The following ADARB1 variants were observed in gnomAD, a reference collection of about 807,000 sequenced individuals.
ADARB1 encodes double-stranded RNA-specific editase 1.
ADARB1 carries 10 observed loss-of-function variants against 52.4 expected under a neutral mutation model. The ratio of observed to expected loss-of-function variants is 0.19; its 90% CI spans 0.12 to 0.32. The LOEUF (loss-of-function observed/expected upper bound fraction) is 0.32. Among genes scored for constraint, ADARB1 ranks in the 10% least tolerant of loss-of-function variants. ADARB1 has a pLI of 1.00. For missense variants in ADARB1, 643 were observed against 922.3 expected (o/e 0.70, Z 3.92); for synonymous variants, 349 against 371.1 (o/e 0.94, Z 0.68).
intron 7 of ADARB1, 96 bp from the exon 8 acceptor site, chr21:45,184,825 CTG>C (rs2092046886): frequency 8.5e-6 from 11 of 1,296,174 alleles, no homozygotes; most frequent in Non-Finnish European, 1.1e-5. Flanking sequence ...TATGCACAGA[CTG>C]TATTTTAAAT....
rs2093037411 is a variant in ADARB1 at position 45,224,904 on chromosome 21, C to G, written c.*2707C>G. 1.0e-6 allele frequency: 1 copy of G among 985,486 alleles called. No individual in the cohort carries two copies. Among genetic ancestry groups the G allele is most frequent in the Admixed American group, 6.2e-5 (1 of 16,258 alleles). The allele number at this position is 985,486 out of a possible 1,614,324, so 61.0% of individuals were successfully genotyped here. On this transcript the variant is annotated 3_prime_UTR_variant, in exon 11 of 11. Transcript: ENST00000348831. ...CTCCCTTCTGAGCGCTCGGTGTGCA[C>G]TTTTAGACTATAGCTGTTTCATTGA...
At chr21:45,168,659 C>T (rs1280426442) in intron 2 of ADARB1, among the ~76,000 whole-genome samples, 8 of 152,146 alleles carry the variant, frequency 5.3e-5, no homozygotes, top group Admixed American at 4.6e-4. Flanking sequence ...ATCTGCTCGT[C>T]TGCCCCTTGC....
intron 1 of ADARB1, among the ~76,000 whole-genome samples, chr21:45,106,193 C>CT (rs35544997): frequency 0.085 from 12,498 of 146,454 alleles, 653 homozygotes; most frequent in African/African-American, 0.14. Context: ...CCGTGGGAGG[C>CT]TTTTTTTTTT....
intron 1 of ADARB1, among the ~76,000 whole-genome samples, chr21:45,092,736 T>C (rs1187309089): frequency 2.0e-5 from 3 of 152,218 alleles, no homozygotes; most frequent in African/African-American, 7.2e-5. Context: ...TTAGGGATTA[T>C]TCCAAAACAG....
intron 9 of ADARB1, among the ~76,000 whole-genome samples, chr21:45,212,338 C>G (rs1340698258): frequency 6.6e-6 from 1 of 152,146 alleles, no homozygotes; most frequent in South Asian, 2.1e-4. Context: ...CTGGGGCTGC[C>G]GCCTCTACAG....
intron 2 of ADARB1, among the ~76,000 whole-genome samples, chr21:45,151,299 C>A (rs554378129): frequency 6.6e-6 from 1 of 152,334 alleles, no homozygotes; most frequent in Admixed American, 6.5e-5. Flanking sequence ...TGTGTCTGGA[C>A]ACACACAAAT....
At chr21:45,085,156 C>G (rs2086291300) in intron 1 of ADARB1, among the ~76,000 whole-genome samples, 1 of 152,212 alleles carries the variant, frequency 6.6e-6, no homozygotes, top group African/African-American at 2.4e-5. Flanking sequence ...CACTAGGGAC[C>G]TGCTCCCTCA....
intron 5 of ADARB1, among the ~76,000 whole-genome samples, chr21:45,181,982 A>G (rs915011416): frequency 1.3e-5 from 2 of 152,252 alleles, no homozygotes; most frequent in African/African-American, 2.4e-5. Flanking sequence ...GGTGACTTCC[A>G]GGGTCCTGGC....
chr21:45,114,666 G>A (rs547294531), intron 1 of ADARB1, among the ~76,000 whole-genome samples: 63 of 152,326 alleles, frequency 4.1e-4, no homozygotes, highest in African/African-American at 1.4e-3. Flanking sequence ...GGTTGTCATC[G>A]TCACCTTAAC....
Position 45,222,247 on chromosome 21 carries a change from A to G in ADARB1, c.*50A>G, listed in dbSNP as rs12627516. ...CAGGGGGCTGTGGGCATCCAGCGTCATCCTCCAGAACCTCACATCTGAACT... is the reference window on the plus strand; with the variant it reads ...CAGGGGGCTGTGGGCATCCAGCGTCGTCCTCCAGAACCTCACATCTGAACT... On this transcript the variant is annotated 3_prime_UTR_variant, in exon 11 of 11. Transcript: ENST00000348831. The G allele has an allele frequency of 0.034, 51,100 of 1,504,668 alleles. 1,308 individuals are homozygous for G. The highest frequency in any genetic ancestry group is 0.12 in the East Asian group (5,082 of 42,444). The allele number at this position is 1,504,668 out of a possible 1,614,324, so 93.2% of individuals were successfully genotyped here.
rs757396296 is a variant in ADARB1, at chr21:45,176,151, G to A, written c.450G>A (p.Glu150=). 101 of 1,614,128 alleles carry A rather than the reference G, an allele frequency of 6.3e-5. 2 individuals are homozygous for A. In the South Asian group the frequency reaches 1.1e-3, roughly 17 times the overall value. ...TCGTTCAGTTTCCTAATGCCTCTGA[G>A]GCCCACCTGGCCATGGGGAGGACCC... The part of the protein sequence containing the change: ...RSFVQFPNAS[E]AHLAMGRTLS... Residue 150 remains glutamate (E), a synonymous_variant, in exon 4 of 11, where the codon GAG becomes GAA. Coordinates refer to ENST00000348831, the MANE Select transcript of ADARB1 (RefSeq NM_001112.4). The surrounding 1 kb of genome is among the most constrained non-coding windows in gnomAD (Gnocchi z 5.8).
chr21:45,113,828 T>C (rs574142635), intron 1 of ADARB1, among the ~76,000 whole-genome samples: 1 of 152,298 alleles, frequency 6.6e-6, no homozygotes, highest in South Asian at 2.1e-4. Flanking sequence ...CAGTTTTAGC[T>C]CAGCTGCTTT....
intron 4 of ADARB1, among the ~76,000 whole-genome samples, chr21:45,178,249 C>T (rs780706412): frequency 6.6e-6 from 1 of 152,242 alleles, no homozygotes; most frequent in East Asian, 1.9e-4. Flanking sequence ...GCAGTGACTT[C>T]TGTGTGGAGC....
intron 1 of ADARB1, among the ~76,000 whole-genome samples, chr21:45,113,390 T>TC (rs1183260662): frequency 6.6e-6 from 1 of 151,928 alleles, no homozygotes; most frequent in Non-Finnish European, 1.5e-5. Context: ...GCCACTGTAC[T>TC]CCAGCCTGGG....
At chr21:45,144,676 G>A (rs1294865986) in intron 2 of ADARB1, 15 of 452,934 alleles carry the variant, frequency 3.3e-5, no homozygotes, top group East Asian at 7.0e-5. Context: ...CCATAGCTAC[G>A]TTGTGAGGGC....
At chr21:45,137,687 G>C (rs1025474043) in intron 2 of ADARB1, among the ~76,000 whole-genome samples, 6 of 152,222 alleles carry the variant, frequency 3.9e-5, no homozygotes, top group Admixed American at 1.3e-4. Context: ...CACTGCATGT[G>C]AACAGCCTGG....
chr21:45,198,303 C>T (rs545471340), intron 8 of ADARB1, among the ~76,000 whole-genome samples: 5 of 152,202 alleles, frequency 3.3e-5, no homozygotes, highest in African/African-American at 1.2e-4. Flanking sequence ...ACTACCAAAA[C>T]GTATCTGGAA....
intron 8 of ADARB1, among the ~76,000 whole-genome samples, chr21:45,203,638 G>C (rs985501889): frequency 6.6e-6 from 1 of 152,194 alleles, no homozygotes; most frequent in African/African-American, 2.4e-5. Context: ...GTTGCCATTG[G>C]CATGCATCAT....
chr21:45,212,270 C>G (rs73386736), intron 9 of ADARB1, among the ~76,000 whole-genome samples: 2 of 152,154 alleles, frequency 1.3e-5, no homozygotes, highest in East Asian at 1.9e-4. Flanking sequence ...GCCATTCCCC[C>G]ACAAAAGAAA....
Sources: gnomAD v4.1 joint callset for allele counts (sites outside exome capture counted in the v4.1 genomes callset) on GRCh38, gnomAD v4.1.1 for gene constraint, Gnocchi (gnomAD v3.1) non-coding constraint, MANE v1.5 for transcripts, NCBI Gene and HGNC (gene_info 2026-07-23, HGNC 2026-07-21) for gene names.